The following TRPM3 variants were observed in gnomAD, a reference collection of about 807,000 sequenced individuals.
TRPM3 encodes transient receptor potential cation channel subfamily M member 3.
A neutral mutation model predicts 181.2 loss-of-function variants in TRPM3; 77 were observed. That is an observed-to-expected ratio of 0.42 (90% confidence interval 0.35 to 0.51). TRPM3 has a LOEUF of 0.51. Ranked by LOEUF, TRPM3 falls within the 20% of genes least tolerant of loss-of-function variation. The probability of loss-of-function intolerance (pLI) is 0.01; values close to 1 mark genes in which losing one functional copy is unlikely to be tolerated. For synonymous variants in TRPM3, 745 were observed against 796.4 expected (o/e 0.94, Z 1.09); for missense variants, 1,759 against 2,196.7 (o/e 0.80, Z 3.98).
At chr9:70,963,467 GGA>G (rs1052238398) in intron 1 of TRPM3, among the ~76,000 whole-genome samples, 27 of 152,286 alleles carry the variant, frequency 1.8e-4, no homozygotes, top group Admixed American at 1.2e-3. Context: ...AATCTGGAGA[GGA>G]GAGAGGACTA....
chr9:70,845,522 G>A (rs1240857026), intron 4 of TRPM3, among the ~76,000 whole-genome samples: 5 of 152,134 alleles, frequency 3.3e-5, no homozygotes, highest in Admixed American at 6.5e-5. Context: ...TTACAGGCAT[G>A]AGCCACCATA....
At chr9:70,987,729 C>T (rs1329768559) in intron 1 of TRPM3, among the ~76,000 whole-genome samples, 1 of 152,028 alleles carries the variant, frequency 6.6e-6, no homozygotes, top group Non-Finnish European at 1.5e-5. Context: ...TTAAGTAGTA[C>T]TGCTGCACAC....
intron 1 of TRPM3, among the ~76,000 whole-genome samples, chr9:71,374,184 T>C (rs944341921): frequency 2.0e-5 from 3 of 152,094 alleles, no homozygotes; most frequent in African/African-American, 7.2e-5. Flanking sequence ...GAGACCAGCC[T>C]GGCCCATGGT....
rs977076089 is a variant in TRPM3 at position 70,535,184 on chromosome 9, T to A, written c.*769A>T. The A allele has an allele frequency of 1.1e-5, 6 of 535,772 alleles. No homozygotes were observed. The highest frequency in any genetic ancestry group is 2.0e-5 in the Non-Finnish European group (6 of 305,920). The allele number at this position is 535,772 out of a possible 1,614,324, so 33.2% of individuals were successfully genotyped here. A position where few individuals can be genotyped will look rare whatever the true frequency, so the allele number is the denominator to read the frequency against. ...ACTAGACTTGAACGCCCACTGTATA[T>A]AATAAATCACTTGACTTTTGTTTTT... On this transcript the variant is annotated 3_prime_UTR_variant, in exon 26 of 26. Coordinates refer to ENST00000677713, the MANE Select transcript of TRPM3 (RefSeq NM_001366145.2).
chr9:70,764,165 G>A (rs2078666144), intron 7 of TRPM3, among the ~76,000 whole-genome samples: 1 of 152,156 alleles, frequency 6.6e-6, no homozygotes, highest in Non-Finnish European at 1.5e-5. Flanking sequence ...TTAAGCAGAA[G>A]GATGGCATGA....
intron 22 of TRPM3, among the ~76,000 whole-genome samples, chr9:70,556,396 A>C (rs555339220): frequency 3.8e-4 from 58 of 152,106 alleles, no homozygotes; most frequent in African/African-American, 1.3e-3. Context: ...AGGTAGTATT[A>C]ATTTAGTGGT....
intron 1 of TRPM3, among the ~76,000 whole-genome samples, chr9:70,912,375 T>C (rs1035084318): frequency 1.3e-5 from 2 of 152,190 alleles, no homozygotes; most frequent in Non-Finnish European, 2.9e-5. Flanking sequence ...TCAAACATTA[T>C]GTTTGGGAAA....
intron 1 of TRPM3, among the ~76,000 whole-genome samples, chr9:71,055,410 C>G (rs926275160): frequency 6.6e-6 from 1 of 151,956 alleles, no homozygotes; most frequent in Non-Finnish European, 1.5e-5. Flanking sequence ...AGATTTCACA[C>G]AGAGTTTGGA....
chr9:71,345,361 C>T (rs1217550755), intron 1 of TRPM3, among the ~76,000 whole-genome samples: 3 of 152,058 alleles, frequency 2.0e-5, no homozygotes, highest in African/African-American at 7.2e-5. Flanking sequence ...CGATGATAGA[C>T]TGGATAAAGA....
At chr9:70,768,741 C>A (rs2079616190) in intron 7 of TRPM3, among the ~76,000 whole-genome samples, 1 of 152,040 alleles carries the variant, frequency 6.6e-6, no homozygotes, top group Non-Finnish European at 1.5e-5. Flanking sequence ...CCACCCAACT[C>A]AAAAACGTAT....
chr9:71,418,906 G>A (rs1223009341), intron 1 of TRPM3, among the ~76,000 whole-genome samples: 3 of 100,594 alleles, frequency 3.0e-5, no homozygotes, highest in South Asian at 3.0e-4. Context: ...ATATGTGTGT[G>A]TGTATATATA....
At chr9:71,237,069 G>A (rs2202354) in intron 1 of TRPM3, among the ~76,000 whole-genome samples, 115,228 of 134,102 alleles carry the variant, frequency 0.86, 50,070 homozygotes, top group Non-Finnish European at 0.92. Context: ...AAGGGGGGGG[G>A]AAAAAAAGAA....
intron 20 of TRPM3, among the ~76,000 whole-genome samples, chr9:70,599,263 TAA>T (rs929795733): frequency 3.3e-5 from 5 of 152,188 alleles, no homozygotes. Context: ...TAATGATCTT[TAA>T]AAGCCTGGAT....
chr9:71,033,887 C>G (rs1174431133), intron 1 of TRPM3, among the ~76,000 whole-genome samples: 1 of 152,110 alleles, frequency 6.6e-6, no homozygotes, highest in Non-Finnish European at 1.5e-5. Context: ...AAGTCAGAAA[C>G]CCACAGTAGT....
intron 1 of TRPM3, among the ~76,000 whole-genome samples, chr9:71,070,613 T>G (rs1316110591): frequency 6.6e-6 from 1 of 152,252 alleles, no homozygotes; most frequent in Non-Finnish European, 1.5e-5. Flanking sequence ...CACTGTCAAC[T>G]GATACCCATG....
At chr9:70,767,560 G>A (rs2079391488) in intron 7 of TRPM3, among the ~76,000 whole-genome samples, 1 of 152,116 alleles carries the variant, frequency 6.6e-6, no homozygotes, top group African/African-American at 2.4e-5. Flanking sequence ...AATGGGGATG[G>A]CTCATTTTTC....
At position 71,420,727 on chromosome 9, in the gene TRPM3, G is replaced by GAGAA. The variant is rs753517052; in HGVS notation, c.183+25925_183+25926insTTCT. ...AGAGAGAAAGAAAGAGAGAAAGAGA[G>GAGAA]AGAGAGAGAAAGAGAGAGAAAGAGA... On this transcript the variant is annotated intron_variant, in intron 1 of 24. Coordinates refer to the TRPM3 transcript ENST00000357533. Among the ~76,000 whole-genome samples, 60 of 45,308 alleles carry GAGAA rather than the reference G, an allele frequency of 1.3e-3. 2 individuals are homozygous for GAGAA. Among genetic ancestry groups the GAGAA allele is most frequent in the Admixed American group, 1.8e-3 (7 of 3,964 alleles). The allele number at this position is 45,308 out of a possible 152,430, so 29.7% of individuals were successfully genotyped here. A position where few individuals can be genotyped will look rare whatever the true frequency, so the allele number is the denominator to read the frequency against.
At chr9:71,329,398 T>C (rs1034359131) in intron 1 of TRPM3, among the ~76,000 whole-genome samples, 3 of 152,236 alleles carry the variant, frequency 2.0e-5, no homozygotes, top group African/African-American at 7.2e-5. Context: ...TTCTTCACTA[T>C]TTCCATTGGT....
At chr9:71,009,506 T>A (rs191891847) in intron 1 of TRPM3, among the ~76,000 whole-genome samples, 17 of 152,112 alleles carry the variant, frequency 1.1e-4, no homozygotes, top group African/African-American at 3.9e-4. Flanking sequence ...CTACAAAAGA[T>A]ACCTATGAAT....
Sources: gnomAD v4.1 joint callset for allele counts (sites outside exome capture counted in the v4.1 genomes callset) on GRCh38, gnomAD v4.1.1 for gene constraint, MANE v1.5 for transcripts, NCBI Gene and HGNC (gene_info 2026-07-23, HGNC 2026-07-21) for gene names.